WDR70: variants seen among roughly 807,000 people sequenced by gnomAD.
The protein encoded by WDR70 is WD repeat domain 70, also known as WD repeat-containing protein 70.
A neutral mutation model predicts 88.6 loss-of-function variants in WDR70; 53 were observed. The ratio of observed to expected loss-of-function variants is 0.60; its 90% CI spans 0.48 to 0.75. The LOEUF (loss-of-function observed/expected upper bound fraction) is 0.75. WDR70 is among the 30% of genes least tolerant of loss of function. The pLI is 0.00. For synonymous variants in WDR70, 280 were observed against 270.0 expected (o/e 1.04, Z -0.36); for missense variants, 610 against 823.2 (o/e 0.74, Z 3.17).
intron 4 of WDR70, among the ~76,000 whole-genome samples, chr5:37,395,421 A>G (rs1748980172): frequency 6.6e-6 from 1 of 152,184 alleles, no homozygotes; most frequent in Non-Finnish European, 1.5e-5. Context: ...AGTAGAAAAG[A>G]GGGATGAGGA....
intron 8 of WDR70, among the ~76,000 whole-genome samples, chr5:37,486,761 G>A (rs1170955390): frequency 2.7e-5 from 4 of 146,278 alleles, no homozygotes; most frequent in South Asian, 2.4e-4. Context: ...CTTGTTGGCC[G>A]CATGTGTCTT....
At chr5:37,681,267 T>C (rs2112617809) in intron 10 of WDR70, among the ~76,000 whole-genome samples, 1 of 152,268 alleles carries the variant, frequency 6.6e-6, no homozygotes, top group East Asian at 1.9e-4. Flanking sequence ...GTGATTTTTG[T>C]ATGTTGGTTT....
At chr5:37,735,832 C>A (rs1278733141) in intron 17 of WDR70, among the ~76,000 whole-genome samples, 1 of 152,090 alleles carries the variant, frequency 6.6e-6, no homozygotes, top group Non-Finnish European at 1.5e-5. Flanking sequence ...ATTTATTTAC[C>A]ATATCTCGCT....
chr5:37,751,591 T>G (rs1748813430), intron 17 of WDR70, among the ~76,000 whole-genome samples: 1 of 152,232 alleles, frequency 6.6e-6, no homozygotes, highest in Non-Finnish European at 1.5e-5. Flanking sequence ...TAGTTGTCAT[T>G]ATTTTTACCA....
intron 7 of WDR70, among the ~76,000 whole-genome samples, chr5:37,456,447 T>A (rs2112092994): frequency 6.6e-6 from 1 of 152,342 alleles, no homozygotes; most frequent in South Asian, 2.1e-4. Flanking sequence ...TTGATAAAGT[T>A]CTTTATAAGA....
chr5:37,680,070 CT>C (rs1192218361), intron 10 of WDR70, among the ~76,000 whole-genome samples: 1 of 152,114 alleles, frequency 6.6e-6, no homozygotes, highest in Admixed American at 6.5e-5. Flanking sequence ...TGTTTTTTGA[CT>C]TTTTAATTAT....
intron 9 of WDR70, among the ~76,000 whole-genome samples, chr5:37,575,755 G>A (rs1313927490): frequency 6.6e-6 from 1 of 152,106 alleles, no homozygotes; most frequent in African/African-American, 2.4e-5. Flanking sequence ...TGAGTTCTGT[G>A]AGCCCTTATA....
At chr5:37,399,132 G>T (rs566310272) in intron 5 of WDR70, among the ~76,000 whole-genome samples, 9 of 152,324 alleles carry the variant, frequency 5.9e-5, no homozygotes, top group African/African-American at 2.2e-4. Context: ...CAAAAAATTA[G>T]CCGGGCATGG....
rs760974528 is a variant in WDR70, at chr5:37,381,595, G to C, written c.92-7G>C. 1 of 1,608,386 alleles carries C rather than the reference G, an allele frequency of 6.2e-7. No homozygotes were observed. Among genetic ancestry groups the C allele is most frequent in the Non-Finnish European group, 8.5e-7 (1 of 1,176,166 alleles). Reference sequence around the variant, plus strand: ...CAATCACAGTCTCCCATTTGTTCATGTTTTAGGTAAAAAAGCTCGCACATT... The same window carrying C: ...CAATCACAGTCTCCCATTTGTTCATCTTTTAGGTAAAAAAGCTCGCACATT... On this transcript the variant is annotated splice_polypyrimidine_tract_variant and splice_region_variant and intron_variant, in intron 2 of 17. Coordinates refer to ENST00000265107, the MANE Select transcript of WDR70 (RefSeq NM_018034.4).
chr5:37,512,670 C>G (rs1303056142), intron 8 of WDR70, among the ~76,000 whole-genome samples: 4 of 151,898 alleles, frequency 2.6e-5, no homozygotes, highest in African/African-American at 9.7e-5. Flanking sequence ...CAGCCTCGAC[C>G]TCTTGGGCCC....
At chr5:37,600,526 C>CAAAAAAAAA (rs552804920) in intron 9 of WDR70, among the ~76,000 whole-genome samples, 2 of 101,230 alleles carry the variant, frequency 2.0e-5, no homozygotes, top group East Asian at 3.2e-4. Context: ...GACTCCGTCT[C>CAAAAAAAAA]AAAAAAAAAA....
At chr5:37,457,829 C>T (rs1156492748) in intron 7 of WDR70, among the ~76,000 whole-genome samples, 1 of 152,132 alleles carries the variant, frequency 6.6e-6, no homozygotes, top group Non-Finnish European at 1.5e-5. Flanking sequence ...ATGATTTTTA[C>T]AGTTTTAAAG....
In WDR70 at chr5:37,678,466, G is replaced by T. The variant is rs558733447; in HGVS notation, c.1093-19189G>T. ...TGTCAGCATTTGCTTGTCTGTAAAG[G>T]ATTTTATTTCTCCTTCACTTATGAA... On this transcript the variant is annotated intron_variant, in intron 10 of 17. Transcript: ENST00000265107. Among the ~76,000 whole-genome samples, 64 of 152,098 alleles carry T rather than the reference G, an allele frequency of 4.2e-4. No individual in the cohort carries two copies. The South Asian group carries it at 5.8e-3, about 14-fold the overall frequency.
chr5:37,737,608 G>A (rs750282615), intron 17 of WDR70, among the ~76,000 whole-genome samples: 2 of 152,090 alleles, frequency 1.3e-5, no homozygotes, highest in Admixed American at 6.6e-5. Context: ...CCAAGCTTTC[G>A]TGCATGTTTT....
intron 7 of WDR70, among the ~76,000 whole-genome samples, chr5:37,478,438 G>T (rs1329169536): frequency 1.3e-5 from 2 of 152,156 alleles, no homozygotes; most frequent in Non-Finnish European, 2.9e-5. Context: ...AAACTTCATA[G>T]GACCACTTTT....
At chr5:37,619,917 GTTTTTTTTTTT>G (rs35802405) in intron 10 of WDR70, 3 of 120,092 alleles carry the variant, frequency 2.5e-5, no homozygotes, top group South Asian at 2.8e-4. Context: ...TATTTACCAG[GTTTTTTTTTTT>G]TTTTTTTTTT....
At chr5:37,714,550 T>A (rs913247303) in intron 13 of WDR70, among the ~76,000 whole-genome samples, 1 of 152,068 alleles carries the variant, frequency 6.6e-6, no homozygotes, top group Non-Finnish European at 1.5e-5. Flanking sequence ...AGGCTCCTCT[T>A]AGGCATGAGG....
At chr5:37,413,613 TG>T (rs1225250015) in intron 5 of WDR70, among the ~76,000 whole-genome samples, 1 of 150,004 alleles carries the variant, frequency 6.7e-6, no homozygotes. Context: ...CCCAGCTACT[TG>T]GGAGGCTGAG....
At chr5:37,523,107 C>G (rs1427043489) in intron 9 of WDR70, among the ~76,000 whole-genome samples, 1 of 152,220 alleles carries the variant, frequency 6.6e-6, no homozygotes, top group African/African-American at 2.4e-5. Flanking sequence ...TTAAATGTCC[C>G]TGTCTGACAG....
Sources: gnomAD v4.1 joint callset for allele counts (sites outside exome capture counted in the v4.1 genomes callset) on GRCh38, gnomAD v4.1.1 for gene constraint, MANE v1.5 for transcripts, NCBI Gene and HGNC (gene_info 2026-07-23, HGNC 2026-07-21) for gene names.